Variants in DUOX2 observed in about 807,000 individuals in gnomAD.
DUOX2 encodes NADH/NADPH thyroid oxidase p138-tox.
In DUOX2, 185 loss-of-function variants were observed where a neutral mutation model predicts 183.3. The ratio of observed to expected loss-of-function variants is 1.01; its 90% CI spans 0.90 to 1.14. DUOX2 has a LOEUF of 1.14. DUOX2 is among the 50% of genes most tolerant of loss of function. DUOX2 has a pLI of 0.00. For synonymous variants in DUOX2, 788 were observed against 812.4 expected (o/e 0.97, Z 0.51); for missense variants, 1,999 against 2,022.9 (o/e 0.99, Z 0.23).
chr15:45,106,565 C>G lies in DUOX2; in HGVS notation c.1908G>C (p.Glu636Asp), dbSNP rs1041091126. 8.7e-6 allele frequency: 14 copies of G among 1,614,216 alleles called. No individual in the cohort carries two copies. The highest frequency in any genetic ancestry group is 1.1e-5 in the Non-Finnish European group (13 of 1,180,034). Residue 636 changes from glutamate to aspartate, a missense_variant, in exon 16 of 34, where the codon GAG becomes GAC. Transcript: ENST00000389039. Reference protein sequence around the residue: ...EHKKLQKKLKESVKKEAAKDG... With the variant: ...EHKKLQKKLKDSVKKEAAKDG... ...CTTTGGCTGCTTCCTTCTTCACGCT[C>G]TCTTTGAGTTTCTTTTGTAGCTTCT...
intron 4 of DUOX2, among the ~76,000 whole-genome samples, chr15:45,112,202 G>GACT (rs1345920527): frequency 3.2e-4 from 49 of 152,254 alleles, no homozygotes. Context: ...TTTATGTAGG[G>GACT]GTACCCCAAG....
At chr15:45,110,747 G>T (rs773777200) in intron 7 of DUOX2, 37 bp from the exon 8 acceptor site, 4 of 1,611,680 alleles carry the variant, frequency 2.5e-6, no homozygotes, top group Non-Finnish European at 8.5e-7. Context: ...GGCACAAGTT[G>T]GATGGTGTGG....
rs549117333 is a variant in DUOX2, at chr15:45,101,321, T to A, written c.2852-47A>T. 1.5e-5 allele frequency: 23 copies of A among 1,514,528 alleles called. No individual in the cohort carries two copies. In the African/African-American group the frequency reaches 3.0e-4, roughly 20 times the overall value. 93.8% of individuals were successfully genotyped at this position (1,514,528 alleles called of 1,614,324 possible). A position where few individuals can be genotyped will look rare whatever the true frequency, so the allele number is the denominator to read the frequency against. On this transcript the variant is annotated intron_variant, in intron 21 of 33. Transcript: ENST00000389039. The stretch of plus-strand genomic sequence containing the variant: ...AGGACTGGCTTCCCCACAAGGGCAG[T>A]GGGGTAGGATGGGAGACTGTGCCCT...
chr15:45,108,944 GC>G lies in DUOX2; in HGVS notation c.1242del (p.Trp414CysfsTer69). 6.2e-7 allele frequency: 1 copy of G among 1,614,204 alleles called. No homozygotes were observed. Among genetic ancestry groups the G allele is most frequent in the Non-Finnish European group, 8.5e-7 (1 of 1,180,036 alleles). On this transcript the variant is annotated frameshift_variant, in exon 12 of 34. Coordinates refer to ENST00000389039, the MANE Select transcript of DUOX2 (RefSeq NM_001363711.2). LOFTEE classifies it high-confidence loss of function. ...NIVVEDLRDY[W>X]PGPGKFSRTD... Reference sequence around the variant, plus strand: ...GTACGGGAGAATTTGCCAGGGCCAGGCCAGTAATCTGAAGAGGAGAGAAGAC... The same window carrying G: ...GTACGGGAGAATTTGCCAGGGCCAGGCAGTAATCTGAAGAGGAGAGAAGAC...
Position 45,112,715 on chromosome 15 carries a change from C to T in DUOX2, c.164G>A (p.Cys55Tyr). 1 of 1,611,522 alleles carries T rather than the reference C, an allele frequency of 6.2e-7. No homozygotes were observed. Among genetic ancestry groups the T allele is most frequent in the Non-Finnish European group, 8.5e-7 (1 of 1,179,870 alleles). The change falls in exon 4 of 34, where the codon TGC becomes TAC. Residue 55 changes from cysteine (C) to tyrosine (Y), a missense_variant. Cys to Tyr is a radical substitution (Grantham distance 194, BLOSUM62 -2). Coordinates refer to ENST00000389039, the MANE Select transcript of DUOX2 (RefSeq NM_001363711.2). ...LRHHERGAVG[C>Y]RLQRRVPANY... ...GGCTGGTACGCGGCGCTGCAACCGG[C>T]AGCCTGCGGAGGCAGGGAGCGGGGC...
rs371970228 is a variant in DUOX2, at chr15:45,094,655, G to A, written c.4432C>T (p.Arg1478Trp). The A allele has an allele frequency of 6.0e-5, 97 of 1,613,994 alleles. 1 individual carries two copies. In the Admixed American group the frequency reaches 7.7e-4, roughly 13 times the overall value. ...GAGCGCAGGCCCGTGAACAGACTCC[G>A]GTTCAGCACTTTCTGGAAGTGCCGC... Reference protein sequence around the residue: ...CERHFQKVLNRSLFTGLRSIT... With the variant: ...CERHFQKVLNWSLFTGLRSIT... The change falls in exon 33 of 34, where the codon CGG (arginine) becomes TGG (tryptophan). Residue 1478 changes from arginine to tryptophan, a missense_variant. Coordinates refer to ENST00000389039, the MANE Select transcript of DUOX2 (RefSeq NM_001363711.2).
chr15:45,110,450 C>A lies in DUOX2; in HGVS notation c.1018G>T (p.Val340Leu). The A allele has an allele frequency of 6.2e-7, 1 of 1,613,998 alleles. No homozygotes were observed. The highest frequency in any genetic ancestry group is 8.5e-7 in the Non-Finnish European group (1 of 1,179,964). ...VASEQFFSTM[V>L]PPGVYMRNAS... ...CACCTCATGTAGACACCAGGGGGCACCATGGTAGAGAAGAACTGCTCAGAG... is the reference window on the plus strand; with the variant it reads ...CACCTCATGTAGACACCAGGGGGCAACATGGTAGAGAAGAACTGCTCAGAG... The change falls in exon 9 of 34, where the codon GTG becomes TTG. Residue 340 changes from valine (V) to leucine (L), a missense_variant. By Grantham distance (32) the Val-to-Leu change is conservative. Coordinates refer to ENST00000389039, the MANE Select transcript of DUOX2 (RefSeq NM_001363711.2).
chr15:45,110,590 C>T (rs991668396), intron 8 of DUOX2, 60 bp downstream of exon 8: 1 of 1,613,676 alleles, frequency 6.2e-7, no homozygotes, highest in African/African-American at 1.3e-5. Context: ...CCATCACAGG[C>T]ACCTGTCTCC....
rs1595529163 is a variant in DUOX2 at position 45,111,899 on chromosome 15, ACT to A, written c.380_381del (p.Glu127ValfsTer173). On this transcript the variant is annotated frameshift_variant, in exon 5 of 34. Coordinates refer to ENST00000389039, the MANE Select transcript of DUOX2 (RefSeq NM_001363711.2). LOFTEE classifies it high-confidence loss of function. Reference protein sequence around the residue: ...VSVETPGCPAEFLNIRIPPGD... With the variant: ...VSVETPGCPAXFLNIRIPPGD... ...CCAGGTGGGATGCGGATGTTGAGGA[ACT>A]CGGCGGGGCAACCGGGCGTTTCCAC... 6.2e-7 allele frequency: 1 copy of A among 1,613,606 alleles called. No homozygotes were observed. The highest frequency in any genetic ancestry group is 8.5e-7 in the Non-Finnish European group (1 of 1,179,966).
At chr15:45,108,256 T>C in intron 12 of DUOX2, 34 bp from the exon 13 acceptor site, 2 of 1,612,618 alleles carry the variant, frequency 1.2e-6, no homozygotes, top group Middle Eastern at 3.3e-4. Flanking sequence ...GGTGAGCGTA[T>C]GTTTGCTGCG....
At chr15:45,109,217 T>G in intron 11 of DUOX2, 1 of 603,224 alleles carries the variant, frequency 1.7e-6, no homozygotes, top group South Asian at 2.0e-5. Context: ...GTCCTATGCC[T>G]CCCTAGTTTC....
intron 1 of DUOX2, 119 bp from the exon 2 acceptor site, chr15:45,113,544 T>G (rs1378455994): frequency 1.3e-6 from 1 of 795,630 alleles, no homozygotes; most frequent in Admixed American, 2.0e-5. Flanking sequence ...CTGTTTCCAC[T>G]TCTGGAAGGT....
chr15:45,111,577 C>T lies in DUOX2; in HGVS notation c.522G>A (p.Gln174=), dbSNP rs928536406. 4 of 1,541,250 alleles carry T rather than the reference C, an allele frequency of 2.6e-6. No homozygotes were observed. Among genetic ancestry groups the T allele is most frequent in the African/African-American group, 1.4e-5 (1 of 70,854 alleles). ...CGCTGCCGTCCAGCCAGCCCGTCAC[C>T]TGGTTGGCCTGCGGGGCACGCGGCG... The part of the protein sequence containing the change: ...SPSNPRDLAN[Q]VTGWLDGSAI... The change falls in exon 6 of 34, where the codon CAG becomes CAA. Residue 174 remains glutamine (Q), a synonymous_variant. Coordinates refer to ENST00000389039, the MANE Select transcript of DUOX2 (RefSeq NM_001363711.2).
In DUOX2 at chr15:45,106,299, C is replaced by G. The variant is rs751438108; in HGVS notation, c.1974G>C (p.Arg658Ser). The G allele has an allele frequency of 6.2e-7, 1 of 1,614,070 alleles. No homozygotes were observed. The highest frequency in any genetic ancestry group is 1.1e-5 in the South Asian group (1 of 91,080). Reference sequence around the variant, plus strand: ...GCAGCTGGATGATGATGGGACTGCTCCTCTCCTTGGGGCCTGGCCACTCCA... The same window carrying G: ...GCAGCTGGATGATGATGGGACTGCTGCTCTCCTTGGGGCCTGGCCACTCCA... ...PAMEWPGPKE[R>S]SSPIIIQLLS... Residue 658 changes from arginine to serine, a missense_variant, in exon 17 of 34, where the codon AGG becomes AGC. Physicochemically the swap from Arg to Ser is moderately radical, Grantham distance 110 (BLOSUM62 -1). Transcript: ENST00000389039.
chr15:45,108,532 A>G lies in DUOX2; in HGVS notation c.1398+257T>C, dbSNP rs1204830021. The G allele has an allele frequency of 1.8e-5, 11 of 608,322 alleles. 1 individual carries two copies. Among genetic ancestry groups the G allele is most frequent in the Admixed American group, 5.8e-5 (2 of 34,380 alleles). 37.7% of individuals were successfully genotyped at this position (608,322 alleles called of 1,614,324 possible). On this transcript the variant is annotated intron_variant, in intron 12 of 33. Coordinates refer to ENST00000389039, the MANE Select transcript of DUOX2 (RefSeq NM_001363711.2). ...GGGTGGGACCCTGCAGCAACAGGAC[A>G]ATGGCACCCAACCCAGAAGCCACCC...
At chr15:45,113,834 A>C (rs1715546039) in intron 1 of DUOX2, 139 bp downstream of exon 1, 1 of 242,998 alleles carries the variant, frequency 4.1e-6, no homozygotes, top group Admixed American at 4.8e-5. Flanking sequence ...GGAAGGGAAA[A>C]AGGTTACTGA....
At position 45,103,840 on chromosome 15, in the gene DUOX2, T is replaced by C. The variant is rs1042777358; in HGVS notation, c.2654+120A>G. 1.2e-5 allele frequency: 12 copies of C among 1,026,058 alleles called. No homozygotes were observed. In the Admixed American group the frequency reaches 2.2e-4, roughly 19 times the overall value. 63.6% of individuals were successfully genotyped at this position (1,026,058 alleles called of 1,614,324 possible). A position where few individuals can be genotyped will look rare whatever the true frequency, so the allele number is the denominator to read the frequency against. Reference sequence around the variant, plus strand: ...CTCTGAGAGTTTAGGATGTAGTGTTTAGGCCACCTCTCAGCACAGATGACC... The same window carrying C: ...CTCTGAGAGTTTAGGATGTAGTGTTCAGGCCACCTCTCAGCACAGATGACC... On this transcript the variant is annotated intron_variant, in intron 20 of 33. Transcript: ENST00000389039.
Position 45,109,569 on chromosome 15 carries a change from G to A in DUOX2, c.1189C>T (p.Gln397Ter). Residue 397 changes from glutamine (Q) to a stop codon, truncating the protein, a stop_gained, in exon 11 of 34, where the codon CAG (glutamine) becomes TAG (stop). Transcript: ENST00000389039. LOFTEE classifies it high-confidence loss of function. ...ATGTTGTCCTCCAACTCCGAAATCT[G>A]GGAGGCCATTCCCAGCAGCAGCTCA... ...VNELLLGMAS[Q>*]ISELEDNIVV... 4 of 1,614,038 alleles carry A rather than the reference G, an allele frequency of 2.5e-6. No homozygotes were observed. The highest frequency in any genetic ancestry group is 3.4e-6 in the Non-Finnish European group (4 of 1,180,018).
In DUOX2 at chr15:45,101,871, G is replaced by A. The variant is rs1368150062; in HGVS notation, c.2773C>T (p.His925Tyr). ...CTGTCATGGTCCCGCAGCATGAAGT[G>A]AAAATCCTCCCATGTCAGCTCCTCC... Reference protein sequence around the residue: ...DKEELTWEDFHFMLRDHDSEL... With the variant: ...DKEELTWEDFYFMLRDHDSEL... Residue 925 changes from histidine to tyrosine, a missense_variant, in exon 21 of 34, where the codon CAC (histidine) becomes TAC (tyrosine). His to Tyr is a moderately conservative substitution (Grantham distance 83, BLOSUM62 2). Transcript: ENST00000389039. 1 of 1,614,210 alleles carries A rather than the reference G, an allele frequency of 6.2e-7. No individual in the cohort carries two copies. Among genetic ancestry groups the A allele is most frequent in the East Asian group, 2.2e-5 (1 of 44,884 alleles).
Sources: allele counts gnomAD v4.1 joint callset (sites outside exome capture counted in the v4.1 genomes callset), GRCh38; gene constraint gnomAD v4.1.1; transcripts MANE v1.5; gene names NCBI Gene and HGNC (gene_info 2026-07-23, HGNC 2026-07-21).